ZNF273: variants seen among roughly 807,000 people sequenced by gnomAD.
ZNF273 encodes the protein zinc finger protein 9.
A neutral mutation model predicts 14.9 loss-of-function variants in ZNF273; 11 were observed. That is an observed-to-expected ratio of 0.74 (90% CI 0.46 to 1.22). ZNF273 has a LOEUF of 1.22. ZNF273 is among the 50% of genes most tolerant of loss of function. The probability of loss-of-function intolerance (pLI) is 0.00; values close to 1 mark genes in which losing one functional copy is unlikely to be tolerated. For synonymous variants in ZNF273, 199 were observed against 223.9 expected (o/e 0.89, Z 0.99); for missense variants, 577 against 660.6 (o/e 0.87, Z 1.39).
chr7:64,899,213 A>G (rs1792539753), upstream of ZNF273, among the ~76,000 whole-genome samples: 1 of 152,256 alleles, frequency 6.6e-6, no homozygotes, highest in Admixed American at 6.5e-5. Flanking sequence ...TCTTGTTAGT[A>G]ATCTGTCATT....
intron 1 of ZNF273, chr7:64,888,355 G>T (rs1286292218): frequency 1.0e-6 from 1 of 985,218 alleles, no homozygotes; most frequent in African/African-American, 1.7e-5. Flanking sequence ...CTGCTCCCAG[G>T]GGGAAGCGGG....
rs3813700 is a variant in ZNF273, at chr7:64,913,464, C to A, written c.103-4117C>A. Among the ~76,000 whole-genome samples, 3 of 152,172 alleles carry A rather than the reference C, an allele frequency of 2.0e-5. No individual in the cohort carries two copies. The East Asian group carries it at 5.8e-4, about 29-fold the overall frequency. Reference sequence around the variant, plus strand: ...TAACATACTCTTGAGAGTGAGAACACGGTGAACACAGTGTCTGCTTAATAA... The same window carrying A: ...TAACATACTCTTGAGAGTGAGAACAAGGTGAACACAGTGTCTGCTTAATAA... On this transcript the variant is annotated intron_variant, in intron 1 of 3. Coordinates refer to ENST00000476120, the MANE Select transcript of ZNF273 (RefSeq NM_021148.3).
downstream of ZNF273, among the ~76,000 whole-genome samples, chr7:64,934,971 A>G (rs1795048840): frequency 6.6e-6 from 1 of 152,110 alleles, no homozygotes; most frequent in Non-Finnish European, 1.5e-5. Flanking sequence ...TTCTTCCTTT[A>G]ATGTTCTTTA....
chr7:64,884,254 G>A (rs12537864), downstream of ZNF273, among the ~76,000 whole-genome samples: 7,768 of 152,052 alleles, frequency 0.051, 227 homozygotes, highest in Middle Eastern at 0.085. Context: ...ATTTTGGGGG[G>A]CCGGATTTTT....
chr7:64,889,432 T>A (rs1791824425), downstream of ZNF273: 1 of 985,432 alleles, frequency 1.0e-6, no homozygotes, highest in Admixed American at 6.2e-5. The surrounding 1 kb of genome is among the most constrained non-coding windows in gnomAD (Gnocchi z 4.2). Flanking sequence ...CCCTTCCCAC[T>A]CGGGCTCGGG....
At chr7:64,917,526 A>G (rs745823249) in intron 1 of ZNF273, 55 bp from the exon 2 acceptor site, 1 of 1,563,136 alleles carries the variant, frequency 6.4e-7, no homozygotes, top group South Asian at 1.1e-5. Context: ...GTCAAATTAA[A>G]TATTCTGTCC....
intron 3 of ZNF273, among the ~76,000 whole-genome samples, chr7:64,921,210 C>A (rs1794425597): frequency 6.6e-6 from 1 of 151,758 alleles, no homozygotes; most frequent in African/African-American, 2.4e-5. Flanking sequence ...GATTCAGGCA[C>A]GTGCCACCAT....
At chr7:64,919,306 T>C (rs911570117) in intron 3 of ZNF273, among the ~76,000 whole-genome samples, 9 of 152,164 alleles carry the variant, frequency 5.9e-5, no homozygotes, top group African/African-American at 1.9e-4. Flanking sequence ...ATACGTAAAA[T>C]ATTTTTAAGT....
chr7:64,882,096 G>A (rs1321807232), downstream of ZNF273, among the ~76,000 whole-genome samples: 1 of 152,180 alleles, frequency 6.6e-6, no homozygotes, highest in Non-Finnish European at 1.5e-5. Context: ...GGCCCGGGAT[G>A]AAGGGAGGCC....
downstream of ZNF273, among the ~76,000 whole-genome samples, chr7:64,932,703 C>T (rs1795018330): frequency 6.6e-6 from 1 of 152,026 alleles, no homozygotes; most frequent in Non-Finnish European, 1.5e-5. Flanking sequence ...GGGTGGATTA[C>T]TTAAGGCCAG....
At chr7:64,912,826 G>GTTTTTTGTTGTTGTT in intron 1 of ZNF273, among the ~76,000 whole-genome samples, 28 of 36,566 alleles carry the variant, frequency 7.7e-4, no homozygotes, top group Middle Eastern at 0.025. Context: ...ATTCATTTTA[G>GTTTTTTGTTGTTGTT]TTTTTTTTTT....
chr7:64,903,524 A>C, intron 1 of ZNF273, 105 bp downstream of exon 1: 1 of 1,161,684 alleles, frequency 8.6e-7, no homozygotes, highest in Non-Finnish European at 1.3e-6. Context: ...AGACTCCAAA[A>C]TCCGCGGCCA....
At chr7:64,895,475 A>G (rs906524706) in intron 3 of ZNF273, among the ~76,000 whole-genome samples, 6 of 152,198 alleles carry the variant, frequency 3.9e-5, no homozygotes, top group African/African-American at 1.2e-4. Flanking sequence ...CGATTCACTA[A>G]CAGTGTGCCT....
intron 1 of ZNF273, among the ~76,000 whole-genome samples, chr7:64,909,673 T>C (rs746375451): frequency 1.3e-5 from 2 of 152,106 alleles, no homozygotes; most frequent in African/African-American, 2.4e-5. Flanking sequence ...TTTTGGGGGG[T>C]ATATAGAGTA....
At chr7:64,924,397 A>G (rs1212103485) in intron 3 of ZNF273, 4 of 152,094 alleles carry the variant, frequency 2.6e-5, no homozygotes, top group South Asian at 2.1e-4. Flanking sequence ...TTTTATTCTT[A>G]CTATAGAAAA....
downstream of ZNF273, among the ~76,000 whole-genome samples, chr7:64,891,632 C>T (rs900866200): frequency 2.0e-5 from 3 of 152,308 alleles, no homozygotes; most frequent in Non-Finnish European, 2.9e-5. Context: ...AAACTGGTCA[C>T]CAATTTCTGC....
In ZNF273 at chr7:64,929,009, AAAAG is replaced by A; in HGVS notation, c.1685_1688del (p.Arg562IlefsTer23). ...CAACACCCCAAACTTTTCTAGACAT[AAAAG>A]AAATCATATGGGTGAGAAATCCTAG... is the stretch of plus-strand genomic sequence containing the variant. On this transcript the variant is annotated frameshift_variant, in exon 4 of 4. Coordinates refer to ENST00000476120, the MANE Select transcript of ZNF273 (RefSeq NM_021148.3). LOFTEE classifies it high-confidence loss of function. 6.4e-7 allele frequency: 1 copy of A among 1,558,086 alleles called. No homozygotes were observed. Among genetic ancestry groups the A allele is most frequent in the Non-Finnish European group, 8.6e-7 (1 of 1,157,440 alleles).
At chr7:64,918,098 T>C in intron 2 of ZNF273, 99 bp from the exon 3 acceptor site, 3 of 1,100,540 alleles carry the variant, frequency 2.7e-6, no homozygotes, top group East Asian at 3.9e-5. Flanking sequence ...GGGATTAATT[T>C]ACTAGAATAC....
chr7:64,923,375 C>G, intron 3 of ZNF273: 1 of 455,224 alleles, frequency 2.2e-6, no homozygotes, highest in Non-Finnish European at 4.4e-6. Flanking sequence ...GATTCTCATT[C>G]TTTCACCCAG....
Sources: gnomAD v4.1 joint callset for allele counts (sites outside exome capture counted in the v4.1 genomes callset) on GRCh38, gnomAD v4.1.1 for gene constraint, Gnocchi (gnomAD v3.1) non-coding constraint, MANE v1.5 for transcripts, NCBI Gene and HGNC (gene_info 2026-07-23, HGNC 2026-07-21) for gene names.